The following PHF3 variants were observed in gnomAD, a reference collection of about 807,000 sequenced individuals.
The protein encoded by PHF3 is PHD finger protein 3.
Under a neutral mutation model 178.4 loss-of-function variants are expected in PHF3, and 41 were observed. The observed-to-expected ratio is 0.23, with a 90% CI of 0.18 to 0.30. The LOEUF (loss-of-function observed/expected upper bound fraction) is 0.30, where lower values mean the gene tolerates loss of function less well. Ranked by LOEUF, PHF3 falls within the 10% of genes least tolerant of loss-of-function variation. The pLI is 1.00. For synonymous variants in PHF3, 842 were observed against 800.5 expected (o/e 1.05, Z -0.88); for missense variants, 2,346 against 2,398.1 (o/e 0.98, Z 0.45).
At chr6:63,662,274 G>A (rs949187540) in intron 2 of PHF3, among the ~76,000 whole-genome samples, 1 of 152,102 alleles carries the variant, frequency 6.6e-6, no homozygotes, top group Non-Finnish European at 1.5e-5. Context: ...TTATTTTGGG[G>A]TCCTCTTTAA....
At chr6:63,689,840 G>T (rs1404966344) in intron 4 of PHF3, among the ~76,000 whole-genome samples, 1 of 152,068 alleles carries the variant, frequency 6.6e-6, no homozygotes, top group Non-Finnish European at 1.5e-5. Context: ...TGTACTGTAG[G>T]TTTTTAAGTC....
chr6:63,708,218 T>G (rs1399600747), intron 13 of PHF3, among the ~76,000 whole-genome samples: 1 of 152,168 alleles, frequency 6.6e-6, no homozygotes, highest in African/African-American at 2.4e-5. Flanking sequence ...ATATACAGTT[T>G]GCTTGATATT....
At chr6:63,683,854 AT>A (rs971909586) in intron 3 of PHF3, among the ~76,000 whole-genome samples, 3 of 152,076 alleles carry the variant, frequency 2.0e-5, no homozygotes, top group African/African-American at 7.2e-5. Context: ...TGATGAAAAC[AT>A]TTCTTTTAAT....
rs1764798080 is a variant in PHF3, at chr6:63,646,707, G to A, written c.156G>A (p.Lys52=). The stretch of plus-strand genomic sequence containing the variant: ...CGCTGAAGAACATGCTCAGCGATAA[G>A]GATCCTATGCTAGGATCTGCAAGTA... ...EDSLKNMLSD[K]DPMLGSASNQ... Residue 52 remains lysine, a synonymous_variant, in exon 2 of 16, where the codon AAG becomes AAA. Transcript: ENST00000262043. 1.2e-6 allele frequency: 2 copies of A among 1,612,952 alleles called. No individual in the cohort carries two copies. The highest frequency in any genetic ancestry group is 1.3e-5 in the African/African-American group (1 of 74,852).
chr6:63,677,819 A>G (rs1458398925), intron 2 of PHF3, among the ~76,000 whole-genome samples: 2 of 129,384 alleles, frequency 1.5e-5, no homozygotes, highest in Non-Finnish European at 3.5e-5. Flanking sequence ...TTTCTTATGC[A>G]TCTTTGTAAT....
At chr6:63,685,980 A>C in intron 4 of PHF3, 69 bp downstream of exon 4, 1 of 1,053,458 alleles carries the variant, frequency 9.5e-7, no homozygotes. Context: ...GGTGGGATTA[A>C]TGTGAGAATT....
chr6:63,651,094 C>T (rs192292105), intron 2 of PHF3, among the ~76,000 whole-genome samples: 8 of 151,866 alleles, frequency 5.3e-5, no homozygotes, highest in African/African-American at 1.4e-4. Context: ...TTTTGAGAAT[C>T]GAGTTTTAAA....
chr6:63,697,685 G>A (rs931544112), intron 6 of PHF3, among the ~76,000 whole-genome samples: 3 of 152,154 alleles, frequency 2.0e-5, no homozygotes, highest in African/African-American at 7.2e-5. Context: ...AGTTTATAAT[G>A]TATGAAAAGT....
chr6:63,710,936 T>C (rs1433490479), intron 14 of PHF3, among the ~76,000 whole-genome samples: 1 of 152,204 alleles, frequency 6.6e-6, no homozygotes, highest in African/African-American at 2.4e-5. Context: ...TTTCTTATGT[T>C]TCCGTAAGAA....
Position 63,718,477 on chromosome 6 carries a change from CATTT to C in PHF3, c.*4772_*4775del, listed in dbSNP as rs1194964047. Among the ~76,000 whole-genome samples the C allele has an allele frequency of 2.0e-5, 3 of 151,896 alleles. No homozygotes were observed. Among genetic ancestry groups the C allele is most frequent in the African/African-American group, 7.3e-5 (3 of 41,374 alleles). ...ATGATAATCTCATCTGTTAATGTAA[CATTT>C]ATATAAAAGTTAACTTCCAAACTAA... On this transcript the variant is annotated 3_prime_UTR_variant, in exon 16 of 16. Coordinates refer to ENST00000262043, the MANE Select transcript of PHF3 (RefSeq NM_001370348.2).
At chr6:63,695,526 T>A (rs1767196107) in intron 6 of PHF3, among the ~76,000 whole-genome samples, 1 of 152,304 alleles carries the variant, frequency 6.6e-6, no homozygotes, top group African/African-American at 2.4e-5. Flanking sequence ...TGGTTTATTC[T>A]ACCTCATGGG....
Position 63,636,049 on chromosome 6 carries a change from C to G in PHF3, c.-127C>G, listed in dbSNP as rs969702316. The G allele has an allele frequency of 2.5e-6, 1 of 394,654 alleles. No homozygotes were observed. The highest frequency in any genetic ancestry group is 4.5e-6 in the Non-Finnish European group (1 of 223,820). The allele number at this position is 394,654 out of a possible 1,614,324, so 24.4% of individuals were successfully genotyped here. A position where few individuals can be genotyped will look rare whatever the true frequency, so the allele number is the denominator to read the frequency against. On this transcript the variant is annotated 5_prime_UTR_variant, in exon 1 of 16. Transcript: ENST00000262043. ...CGCCGACGTCCTGCGCGTACCCCCT[C>G]TCCGCGGCACCCACCGGGCCCCCTC... is the stretch of plus-strand genomic sequence containing the variant.
In PHF3 at chr6:63,722,991, G is replaced by T. The variant is rs1183238688; in HGVS notation, c.*9283G>T. Reference sequence around the variant, plus strand: ...AGGTTGTAAGCTTTATGAGAACAGGGTCTGTGTTTGGTTTGGTCCAACAGT... The same window carrying T: ...AGGTTGTAAGCTTTATGAGAACAGGTTCTGTGTTTGGTTTGGTCCAACAGT... On this transcript the variant is annotated 3_prime_UTR_variant, in exon 16 of 16. Transcript: ENST00000262043. Among the ~76,000 whole-genome samples the T allele has an allele frequency of 6.6e-6, 1 of 152,196 alleles. No homozygotes were observed. Among genetic ancestry groups the T allele is most frequent in the Admixed American group, 6.5e-5 (1 of 15,272 alleles).
Position 63,684,254 on chromosome 6 carries a change from A to G in PHF3, c.532A>G (p.Arg178Gly). 12 of 1,613,966 alleles carry G rather than the reference A, an allele frequency of 7.4e-6. No individual in the cohort carries two copies. Among genetic ancestry groups the G allele is most frequent in the South Asian group, 1.1e-5 (1 of 91,082 alleles). ...TAAAGCAGGAGTGAAACAACCAGAA[A>G]GGAGTCAGGTTAAAGAAGAAGTATG... Reference protein sequence around the residue: ...TAKAGVKQPERSQVKEEVCMS... With the variant: ...TAKAGVKQPEGSQVKEEVCMS... The change falls in exon 4 of 16, where the codon AGG (arginine) becomes GGG (glycine). Residue 178 changes from arginine (R) to glycine (G), a missense_variant. Physicochemically the swap from Arg to Gly is moderately radical, Grantham distance 125 (BLOSUM62 -2). Around this residue, in one of 8 missense-constraint regions of PHF3, gnomAD observed 843 missense variants for 795.2 expected, o/e 1.06. Coordinates refer to ENST00000262043, the MANE Select transcript of PHF3 (RefSeq NM_001370348.2).
In PHF3 at chr6:63,692,059, A is replaced by T. The variant is rs372484280; in HGVS notation, c.2496+16A>T. 628 of 1,568,282 alleles carry T rather than the reference A, an allele frequency of 4.0e-4. No homozygotes were observed. The highest frequency in any genetic ancestry group is 5.1e-4 in the Non-Finnish European group (584 of 1,154,892). Reference sequence around the variant, plus strand: ...TTTAAAACGGGTGAGCTCTTCATTAATGCATTATTTTGTTTATTTAAGAGC... The same window carrying T: ...TTTAAAACGGGTGAGCTCTTCATTATTGCATTATTTTGTTTATTTAAGAGC... On this transcript the variant is annotated intron_variant, in intron 5 of 15. Transcript: ENST00000262043.
At chr6:63,705,887 G>GT (rs1767667557) in intron 11 of PHF3, 142 bp from the exon 12 acceptor site, 1 of 616,416 alleles carries the variant, frequency 1.6e-6, no homozygotes, top group African/African-American at 1.8e-5. Context: ...ACTAAATGAT[G>GT]ACAGTTAGAT....
intron 1 of PHF3, among the ~76,000 whole-genome samples, chr6:63,637,184 T>C (rs1764378442): frequency 6.6e-6 from 1 of 152,230 alleles, no homozygotes; most frequent in Admixed American, 6.5e-5. Flanking sequence ...CTAACTTTAC[T>C]ATCTTATTTT....
At chr6:63,710,341 CAT>C (rs1767872680) in intron 14 of PHF3, among the ~76,000 whole-genome samples, 2 of 152,110 alleles carry the variant, frequency 1.3e-5, no homozygotes, top group East Asian at 1.9e-4. Context: ...TTGTTACTAA[CAT>C]ATGTATGGTG....
intron 1 of PHF3, chr6:63,636,749 C>G (rs2149530981): frequency 6.6e-6 from 1 of 152,244 alleles, no homozygotes; most frequent in Non-Finnish European, 1.5e-5. Context: ...ACTCCTTTTG[C>G]TTAGTTTGAA....
Sources: allele counts gnomAD v4.1 joint callset (sites outside exome capture counted in the v4.1 genomes callset), GRCh38; gene constraint gnomAD v4.1.1; regional missense constraint gnomAD v4.1.1; transcripts MANE v1.5; gene names NCBI Gene and HGNC (gene_info 2026-07-23, HGNC 2026-07-21).